The following SYT2 variants were observed in gnomAD, a reference collection of about 807,000 sequenced individuals.
SYT2 encodes the protein synaptotagmin-2.
Under a neutral mutation model 39.9 loss-of-function variants are expected in SYT2, and 15 were observed. The observed-to-expected ratio is 0.38, with a 90% confidence interval of 0.25 to 0.58. The LOEUF (loss-of-function observed/expected upper bound fraction) is 0.58. SYT2 is among the 20% of genes least tolerant of loss of function. The pLI is 0.70. For synonymous variants in SYT2, 181 were observed against 204.5 expected (o/e 0.89, Z 0.98); for missense variants, 389 against 530.3 (o/e 0.73, Z 2.62).
intron 1 of SYT2, among the ~76,000 whole-genome samples, chr1:202,706,231 G>GCCCTTGGGGACAGA (rs1379667917): frequency 6.6e-6 from 1 of 152,094 alleles, no homozygotes; most frequent in Admixed American, 6.6e-5. Context: ...AGACTCATTA[G>GCCCTTGGGGACAGA]GCATAAAAAC....
At chr1:202,624,161 G>A (rs1691279766) in intron 1 of SYT2, among the ~76,000 whole-genome samples, 1 of 151,968 alleles carries the variant, frequency 6.6e-6, no homozygotes, top group Admixed American at 6.6e-5. Flanking sequence ...GTGCATATGT[G>A]GCGTGTGCAT....
intron 1 of SYT2, among the ~76,000 whole-genome samples, chr1:202,659,571 C>T (rs539050908): frequency 1.3e-5 from 2 of 152,348 alleles, no homozygotes; most frequent in East Asian, 3.9e-4. Flanking sequence ...AAGCCCCTTG[C>T]AGGGGAAGTA....
chr1:202,616,106 C>G (rs1414884319), intron 1 of SYT2, among the ~76,000 whole-genome samples: 1 of 152,204 alleles, frequency 6.6e-6, no homozygotes, highest in Non-Finnish European at 1.5e-5. Context: ...AACGCCTCCC[C>G]ACCAGCTTCG....
intron 1 of SYT2, among the ~76,000 whole-genome samples, chr1:202,682,009 G>C (rs990221070): frequency 6.6e-6 from 1 of 152,194 alleles, no homozygotes; most frequent in Non-Finnish European, 1.5e-5. Context: ...ACGGTGGCTG[G>C]TGAGCCACAG....
chr1:202,655,957 G>C (rs552040210), intron 1 of SYT2, among the ~76,000 whole-genome samples: 8 of 152,274 alleles, frequency 5.3e-5, no homozygotes, highest in African/African-American at 1.9e-4. Flanking sequence ...GATAGGAGAG[G>C]GGGGCTTCCC....
intron 1 of SYT2, among the ~76,000 whole-genome samples, chr1:202,658,807 C>T (rs1692327378): frequency 6.6e-6 from 1 of 152,076 alleles, no homozygotes; most frequent in South Asian, 2.1e-4. Flanking sequence ...CCTCCTCTTG[C>T]CCCTGCCAGT....
intron 1 of SYT2, among the ~76,000 whole-genome samples, chr1:202,694,244 G>C (rs539329427): frequency 9.2e-5 from 14 of 152,314 alleles, no homozygotes; most frequent in Non-Finnish European, 2.1e-4. Flanking sequence ...AATGGTATCA[G>C]ATTTGTGTTA....
intron 1 of SYT2, among the ~76,000 whole-genome samples, chr1:202,669,312 G>A (rs1218891190): frequency 2.0e-5 from 3 of 152,010 alleles, no homozygotes; most frequent in Admixed American, 1.3e-4. Flanking sequence ...TTGAGCTCAG[G>A]TGATTGGGAC....
Position 202,603,110 on chromosome 1 carries a change from GTCGTCA to G in SYT2, c.348_353del (p.Asp118_Asp119del), listed in dbSNP as rs751800267. 137 of 1,613,852 alleles carry G rather than the reference GTCGTCA, an allele frequency of 8.5e-5. No individual in the cohort carries two copies. The highest frequency in any genetic ancestry group is 1.1e-4 in the Non-Finnish European group (135 of 1,179,980). ...CCTCAGTCAGGCCTGTCTCTGCGTCGTCGTCATCCTGTGGGAGCTGGGGGAGAGAGG... is the reference window on the plus strand; with the variant it reads ...CCTCAGTCAGGCCTGTCTCTGCGTCGTCCTGTGGGAGCTGGGGGAGAGAGG... On this transcript the variant is annotated inframe_deletion and splice_region_variant, in exon 4 of 9. Transcript: ENST00000367268.
intron 1 of SYT2, among the ~76,000 whole-genome samples, chr1:202,616,690 C>T (rs1691048619): frequency 1.3e-5 from 2 of 152,312 alleles, no homozygotes. Context: ...TGAGCTGGAC[C>T]CCTGAGCTGT....
At chr1:202,639,859 A>T (rs1691850837) in intron 1 of SYT2, 1 of 982,942 alleles carries the variant, frequency 1.0e-6, no homozygotes, top group Non-Finnish European at 1.2e-6. Flanking sequence ...GCATGGTGAC[A>T]ACTGCAGGAC....
intron 1 of SYT2, among the ~76,000 whole-genome samples, chr1:202,646,445 C>A (rs1572655496): frequency 6.6e-6 from 1 of 152,136 alleles, no homozygotes; most frequent in Non-Finnish European, 1.5e-5. Context: ...TTGTTCTAGT[C>A]TCCCCACAAC....
At chr1:202,602,357 C>T (rs1456693778) in intron 5 of SYT2, 21 bp downstream of exon 5, 1 of 1,606,732 alleles carries the variant, frequency 6.2e-7, no homozygotes, top group Admixed American at 1.7e-5. Context: ...GAGCTGGAGT[C>T]ACCCTTCCAG....
intron 1 of SYT2, among the ~76,000 whole-genome samples, chr1:202,701,132 TGA>T (rs1437522173): frequency 1.3e-5 from 2 of 152,250 alleles, no homozygotes; most frequent in African/African-American, 4.8e-5. Context: ...GTAATATGTG[TGA>T]GTTTTCCAAA....
intron 1 of SYT2, among the ~76,000 whole-genome samples, chr1:202,657,536 G>A (rs979070665): frequency 6.6e-6 from 1 of 152,186 alleles, no homozygotes; most frequent in African/African-American, 2.4e-5. Context: ...AGCTCTGTGA[G>A]CGGGAAAATG....
chr1:202,602,981 C>A lies in SYT2; in HGVS notation c.465+18G>T. On this transcript the variant is annotated intron_variant, in intron 4 of 8. Coordinates refer to ENST00000367268, the MANE Select transcript of SYT2 (RefSeq NM_177402.5). ...CTCTCCCCATTCCCCCACTCTGCCC[C>A]CCCACAGCCCTGCATACCTGATTAG... 6.2e-7 allele frequency: 1 copy of A among 1,601,648 alleles called. No homozygotes were observed. The highest frequency in any genetic ancestry group is 8.5e-7 in the Non-Finnish European group (1 of 1,170,382).
chr1:202,605,947 A>G (rs781217254), intron 1 of SYT2, among the ~76,000 whole-genome samples, 158 bp from the exon 2 acceptor site: 21 of 152,152 alleles, frequency 1.4e-4, no homozygotes, highest in African/African-American at 3.9e-4. Flanking sequence ...ACATCATCCA[A>G]TTAGTACACA....
intron 1 of SYT2, among the ~76,000 whole-genome samples, chr1:202,706,053 GC>G (rs1192491749): frequency 6.6e-6 from 1 of 152,082 alleles, no homozygotes; most frequent in Non-Finnish European, 1.5e-5. Context: ...GGGGCTGGCA[GC>G]TAGGTGTTCC....
intron 1 of SYT2, among the ~76,000 whole-genome samples, chr1:202,613,097 T>A (rs6688284): frequency 5.7e-5 from 7 of 123,052 alleles, no homozygotes; most frequent in South Asian, 5.3e-4. Flanking sequence ...TTTTTTTTTT[T>A]CCAGACAGAG....
Sources: gnomAD v4.1 joint callset for allele counts (sites outside exome capture counted in the v4.1 genomes callset) on GRCh38, gnomAD v4.1.1 for gene constraint, MANE v1.5 for transcripts, NCBI Gene and HGNC (gene_info 2026-07-23, HGNC 2026-07-21) for gene names.